Variants in NAV2 observed in about 807,000 individuals in gnomAD.
NAV2 encodes neuron navigator 2.
A neutral mutation model predicts 223.2 loss-of-function variants in NAV2; 54 were observed. The ratio of observed to expected loss-of-function variants is 0.24; its 90% CI spans 0.19 to 0.30. NAV2 has a LOEUF of 0.30. NAV2 is among the 10% of genes least tolerant of loss of function. The pLI, the probability that NAV2 is intolerant of heterozygous loss-of-function variation, is 1.00. For missense variants in NAV2, 2,806 were observed against 3,147.5 expected, an observed-to-expected ratio of 0.89 and a Z score of 2.60; for synonymous variants, 1,279 against 1,239.3, an observed-to-expected ratio of 1.03 and a Z score of -0.67.
chr11:20,026,228 A>G (rs1469291223), intron 11 of NAV2, among the ~76,000 whole-genome samples: 1 of 152,222 alleles, frequency 6.6e-6, no homozygotes, highest in Non-Finnish European at 1.5e-5. Flanking sequence ...ATCTTGCACC[A>G]GAACTGCAAA....
chr11:19,656,020 C>T (rs2048114902), intron 1 of NAV2, among the ~76,000 whole-genome samples: 2 of 152,176 alleles, frequency 1.3e-5, no homozygotes, highest in African/African-American at 2.4e-5. Flanking sequence ...AGAGACAAGC[C>T]TCTGCTGGGG....
chr11:19,702,511 A>G lies in NAV2; in HGVS notation c.76-129973A>G, dbSNP rs115151792. Among the ~76,000 whole-genome samples, 964 of 152,288 alleles carry G rather than the reference A, an allele frequency of 6.3e-3. 13 individuals carry two copies. The highest frequency in any genetic ancestry group is 0.022 in the African/African-American group (921 of 41,558). ...TAATAAGTGTCCTCTGAGGCCAAGC[A>G]CACACACCTGTAATCACAGTACTTT... On this transcript the variant is annotated intron_variant, in intron 1 of 37. Coordinates refer to the NAV2 transcript ENST00000360655.
chr11:19,558,858 T>TGCC (rs2044996842), intron 1 of NAV2, among the ~76,000 whole-genome samples: 1 of 152,140 alleles, frequency 6.6e-6, no homozygotes, highest in Non-Finnish European at 1.5e-5. Flanking sequence ...CCCACACAGG[T>TGCC]GCCATACAGG....
intron 11 of NAV2, among the ~76,000 whole-genome samples, chr11:20,016,125 T>C (rs1316909979): frequency 2.0e-5 from 3 of 152,246 alleles, no homozygotes; most frequent in African/African-American, 7.2e-5. Flanking sequence ...TAAAGTTTAA[T>C]TATCGTTATT....
chr11:19,408,317 G>T (rs1849990581), intron 1 of NAV2, among the ~76,000 whole-genome samples: 1 of 152,174 alleles, frequency 6.6e-6, no homozygotes, highest in African/African-American at 2.4e-5. Context: ...GAAAGGGGAG[G>T]CTGGGAGGGG....
chr11:19,869,018 C>T (rs202191048), intron 4 of NAV2, 21 bp downstream of exon 4: 42 of 1,610,680 alleles, frequency 2.6e-5, no homozygotes, highest in South Asian at 3.3e-5. Flanking sequence ...GCGCTTGTCA[C>T]GAAGCTGCCT....
intron 1 of NAV2, among the ~76,000 whole-genome samples, chr11:19,427,038 T>G (rs544965345): frequency 9.4e-5 from 14 of 149,542 alleles, no homozygotes; most frequent in African/African-American, 3.0e-4. Context: ...TGACTGAGAC[T>G]TCTTAGCAGC....
intron 1 of NAV2, among the ~76,000 whole-genome samples, chr11:19,361,999 A>C (rs1853980355): frequency 1.3e-5 from 2 of 152,116 alleles, no homozygotes; most frequent in African/African-American, 4.8e-5. Flanking sequence ...GAGGGGATGG[A>C]GAGGAGGTGA....
At chr11:19,956,665 C>A (rs1441953409) in intron 10 of NAV2, among the ~76,000 whole-genome samples, 1 of 152,152 alleles carries the variant, frequency 6.6e-6, no homozygotes, top group African/African-American at 2.4e-5. Flanking sequence ...AGCTTCCATG[C>A]CCTCTCCATG....
At chr11:19,456,821 T>C (rs1851974102) in intron 1 of NAV2, among the ~76,000 whole-genome samples, 1 of 152,208 alleles carries the variant, frequency 6.6e-6, no homozygotes, top group African/African-American at 2.4e-5. Context: ...GCTGGACTGC[T>C]CCTTCCCAGG....
chr11:20,062,194 T>C, intron 19 of NAV2, 113 bp from the exon 20 acceptor site: 2 of 661,062 alleles, frequency 3.0e-6, no homozygotes, highest in Non-Finnish European at 2.5e-6. Flanking sequence ...CAAGGTGAGA[T>C]TAAGTCATTC....
At chr11:19,771,214 A>G (rs1024523564) in intron 1 of NAV2, among the ~76,000 whole-genome samples, 1 of 152,212 alleles carries the variant, frequency 6.6e-6, no homozygotes, top group African/African-American at 2.4e-5. Context: ...CAGTTGTAAT[A>G]ATATTAATGT....
intron 1 of NAV2, among the ~76,000 whole-genome samples, chr11:19,507,497 A>C (rs570864775): frequency 6.6e-6 from 1 of 152,314 alleles, no homozygotes; most frequent in African/African-American, 2.4e-5. Context: ...TGGAGGGTAG[A>C]CTACTTTTGG....
intron 37 of NAV2, among the ~76,000 whole-genome samples, chr11:20,115,620 A>G (rs2063007581): frequency 9.0e-6 from 1 of 111,566 alleles, no homozygotes; most frequent in South Asian, 3.6e-4. Flanking sequence ...CAACAGAGCA[A>G]GACTCCGTCT....
At chr11:19,419,430 G>T (rs1053527603) in intron 1 of NAV2, among the ~76,000 whole-genome samples, 8 of 152,094 alleles carry the variant, frequency 5.3e-5, no homozygotes, top group African/African-American at 9.7e-5. Context: ...TTCCAGCAGC[G>T]TGCATACCTC....
At chr11:19,416,438 A>G (rs188710739) in intron 1 of NAV2, among the ~76,000 whole-genome samples, 1 of 152,354 alleles carries the variant, frequency 6.6e-6, no homozygotes, top group Non-Finnish European at 1.5e-5. Flanking sequence ...GCTCAAGGAA[A>G]TAAGAGAGGA....
intron 1 of NAV2, among the ~76,000 whole-genome samples, chr11:19,501,722 T>A (rs969029966): frequency 2.7e-5 from 4 of 150,750 alleles, no homozygotes; most frequent in African/African-American, 4.9e-5. Flanking sequence ...GTAGGAGAAA[T>A]GGATTTATTT....
At chr11:19,415,815 A>G (rs555955629) in intron 1 of NAV2, among the ~76,000 whole-genome samples, 1 of 152,326 alleles carries the variant, frequency 6.6e-6, no homozygotes, top group Admixed American at 6.5e-5. Flanking sequence ...AACATATTCC[A>G]TTACATAAAC....
intron 1 of NAV2, among the ~76,000 whole-genome samples, chr11:19,666,418 C>T (rs2048411649): frequency 1.3e-5 from 2 of 152,292 alleles, no homozygotes; most frequent in African/African-American, 2.4e-5. Flanking sequence ...TTCTTGGTAA[C>T]TCCTCCTCCA....
Sources: gnomAD v4.1 joint callset for allele counts (sites outside exome capture counted in the v4.1 genomes callset) on GRCh38, gnomAD v4.1.1 for gene constraint, MANE v1.5 for transcripts, NCBI Gene and HGNC (gene_info 2026-07-23, HGNC 2026-07-21) for gene names.